SVOPL: variants seen among roughly 807,000 people sequenced by gnomAD.
The protein encoded by SVOPL is SVOP like.
A neutral mutation model predicts 61.0 loss-of-function variants in SVOPL; 60 were observed. The ratio of observed to expected loss-of-function variants is 0.98; its 90% CI spans 0.80 to 1.22. The LOEUF (loss-of-function observed/expected upper bound fraction) is 1.22. Ranked by LOEUF, SVOPL falls within the 50% of genes most tolerant of loss-of-function variation. The pLI is 0.00. For missense variants in SVOPL, 662 were observed against 643.9 expected, an observed-to-expected ratio of 1.03 and a Z score of -0.30; for synonymous variants, 279 against 250.0, an observed-to-expected ratio of 1.12 and a Z score of -1.09.
At chr7:138,672,151 T>C in intron 3 of SVOPL, 34 bp from the exon 4 acceptor site, 1 of 1,540,464 alleles carries the variant, frequency 6.5e-7, no homozygotes, top group Non-Finnish European at 8.8e-7. Flanking sequence ...CATGTCTAAG[T>C]GCCAGCTTGT....
intron 13 of SVOPL, among the ~76,000 whole-genome samples, chr7:138,622,034 C>CTATG (rs1563095999): frequency 4.2e-5 from 2 of 48,108 alleles, no homozygotes; most frequent in Non-Finnish European, 9.6e-5. Flanking sequence ...ATCTATCTAT[C>CTATG]TATGTATCTA....
At chr7:138,642,701 G>T (rs369478468) in intron 9 of SVOPL, among the ~76,000 whole-genome samples, 2 of 151,450 alleles carry the variant, frequency 1.3e-5, no homozygotes, top group East Asian at 3.9e-4. Flanking sequence ...TTGGTGGCTC[G>T]CACTGATAGT....
rs539375577 is a variant in SVOPL, at chr7:138,614,063, T to C, written c.1353+6983A>G. Among the ~76,000 whole-genome samples the C allele has an allele frequency of 1.8e-3, 280 of 152,318 alleles. 1 individual carries two copies. Among genetic ancestry groups the C allele is most frequent in the African/African-American group, 6.5e-3 (269 of 41,564 alleles). On this transcript the variant is annotated intron_variant, in intron 14 of 15. Transcript: ENST00000674285. ...CAAGTTCAATAAATGTTTTGAACAT[T>C]CAGTTGGGATAAAATAATTCTTGAT...
At chr7:138,690,702 T>C (rs1802920294) in intron 1 of SVOPL, among the ~76,000 whole-genome samples, 1 of 152,126 alleles carries the variant, frequency 6.6e-6, no homozygotes, top group African/African-American at 2.4e-5. Context: ...TCTGGAATTC[T>C]ACCATGGTGA....
At chr7:138,669,102 A>G (rs1249471290) in intron 4 of SVOPL, among the ~76,000 whole-genome samples, 1 of 152,220 alleles carries the variant, frequency 6.6e-6, no homozygotes, top group Non-Finnish European at 1.5e-5. Context: ...GCCCTCAAGC[A>G]CAGGGAAGGG....
intron 13 of SVOPL, among the ~76,000 whole-genome samples, chr7:138,625,654 G>A (rs1799857713): frequency 6.6e-6 from 1 of 152,122 alleles, no homozygotes; most frequent in African/African-American, 2.4e-5. Flanking sequence ...AAGAGAGAAA[G>A]GAAATTCTAC....
chr7:138,627,900 G>A (rs947574792), intron 11 of SVOPL, among the ~76,000 whole-genome samples: 4 of 151,968 alleles, frequency 2.6e-5, no homozygotes, highest in Non-Finnish European at 5.9e-5. Context: ...TAAGCCACAT[G>A]CCAATTTCAG....
intron 14 of SVOPL, among the ~76,000 whole-genome samples, chr7:138,620,117 C>T (rs74773852): frequency 3.4e-4 from 41 of 120,748 alleles, no homozygotes; most frequent in South Asian, 8.0e-4. Flanking sequence ...TGTTTTTTTT[C>T]TGTTTTGTTT....
chr7:138,670,696 CTA>C (rs1802392573), intron 4 of SVOPL, among the ~76,000 whole-genome samples: 1 of 152,224 alleles, frequency 6.6e-6, no homozygotes, highest in South Asian at 2.1e-4. Flanking sequence ...TTTAGCCACT[CTA>C]TGTCTATTAA....
chr7:138,689,934 A>C lies in SVOPL; in HGVS notation c.-34-10855T>G, dbSNP rs1328225801. On this transcript the variant is annotated intron_variant, in intron 1 of 15. Transcript: ENST00000674285. ...CCATTGTAAATGATGTCCTCATAAA[A>C]TGGGAGAATTTGGACACAGAGACAG... 8.4e-4 allele frequency among the ~76,000 whole-genome samples: 128 copies of C among 152,108 alleles called. 1 individual carries two copies. The highest frequency in any genetic ancestry group is 8.8e-5 in the Non-Finnish European group (6 of 68,014).
At chr7:138,614,644 C>T (rs1478983384) in intron 14 of SVOPL, among the ~76,000 whole-genome samples, 4 of 135,532 alleles carry the variant, frequency 3.0e-5, no homozygotes, top group Admixed American at 1.5e-4. Flanking sequence ...GATCCACCCA[C>T]CTCAGCCTCC....
intron 14 of SVOPL, among the ~76,000 whole-genome samples, chr7:138,602,154 C>T (rs1016775672): frequency 6.6e-6 from 1 of 151,996 alleles, no homozygotes; most frequent in African/African-American, 2.4e-5. Context: ...CTACAGTGAT[C>T]CATGATCACT....
intron 5 of SVOPL, chr7:138,660,659 G>T: frequency 1.0e-6 from 1 of 985,352 alleles, no homozygotes; most frequent in Non-Finnish European, 1.2e-6. Context: ...TACATAAGTC[G>T]TTATGCCCTC....
In SVOPL at chr7:138,630,712, G is replaced by A. The variant is rs760268868; in HGVS notation, c.790-590C>T. Among the ~76,000 whole-genome samples the A allele has an allele frequency of 2.1e-4, 32 of 152,274 alleles. 1 individual carries two copies. Among genetic ancestry groups the A allele is most frequent in the Middle Eastern group, 3.4e-3 (1 of 294 alleles). ...AATCCCAGCACTTTGGGAGGCCGAG[G>A]TGGGCGGATCACCTGAGGTCAGGAG... On this transcript the variant is annotated intron_variant, in intron 9 of 15. Coordinates refer to ENST00000674285, the MANE Select transcript of SVOPL (RefSeq NM_001139456.2).
At chr7:138,656,683 G>A (rs564482707) in intron 6 of SVOPL, among the ~76,000 whole-genome samples, 172 bp from the exon 7 acceptor site, 64 of 152,240 alleles carry the variant, frequency 4.2e-4, no homozygotes, top group Non-Finnish European at 6.3e-4. Context: ...CAGTAAGAAC[G>A]AAACTGACAA....
intron 9 of SVOPL, among the ~76,000 whole-genome samples, chr7:138,637,437 TATATAGATAGATAG>T (rs1166329965): frequency 3.2e-5 from 1 of 31,062 alleles, no homozygotes; most frequent in Admixed American, 4.1e-4. Flanking sequence ...CATATATATA[TATATAGATAGATAG>T]ATAGATATAT....
chr7:138,660,034 G>C lies in SVOPL; in HGVS notation c.346-46C>G, dbSNP rs545560580. On this transcript the variant is annotated intron_variant, in intron 5 of 15. Coordinates refer to ENST00000674285, the MANE Select transcript of SVOPL (RefSeq NM_001139456.2). ...ATGAATGGGACCTGCCTCAATGCGG[G>C]GAGGGAAGAAGCCCTAACTTCTGAA... The C allele has an allele frequency of 1.3e-5, 20 of 1,547,450 alleles. No individual in the cohort carries two copies. In the South Asian group the frequency reaches 2.3e-4, roughly 18 times the overall value.
Position 138,622,038 on chromosome 7 carries a change from G to GTATC in SVOPL, c.1264-907_1264-904dup, listed in dbSNP as rs1415006683. ...TCTATGTATCTATCTATCTATCTAT[G>GTATC]TATCTATCTATCTATGTATCTATCT... On this transcript the variant is annotated intron_variant, in intron 13 of 15. Transcript: ENST00000674285. Among the ~76,000 whole-genome samples, 7 of 9,826 alleles carry GTATC rather than the reference G, an allele frequency of 7.1e-4. 2 individuals are homozygous for GTATC. The highest frequency in any genetic ancestry group is 1.4e-3 in the Non-Finnish European group (7 of 4,966). 6.4% of individuals were successfully genotyped at this position (9,826 alleles called of 152,430 possible).
At position 138,628,272 on chromosome 7, in the gene SVOPL, C is replaced by T. The variant is rs564673614; in HGVS notation, c.955G>A (p.Ala319Thr). The T allele has an allele frequency of 9.9e-6, 16 of 1,614,232 alleles. No homozygotes were observed. The Admixed American group carries it at 2.7e-4, about 27-fold the overall frequency. The stretch of plus-strand genomic sequence containing the variant: ...GAGTCCCCCCCAGTCACCACCACCG[C>T]AGAGTCTGACTTTGAACCACAGACC... Reference protein sequence around the residue: ...DLVCGSKSDSAVVVTGGDSGE... With the variant: ...DLVCGSKSDSTVVVTGGDSGE... Residue 319 changes from alanine (A) to threonine (T), a missense_variant, in exon 11 of 16, where the codon GCG becomes ACG. Transcript: ENST00000674285.
Sources: allele counts gnomAD v4.1 joint callset (sites outside exome capture counted in the v4.1 genomes callset), GRCh38; gene constraint gnomAD v4.1.1; transcripts MANE v1.5; gene names NCBI Gene and HGNC (gene_info 2026-07-23, HGNC 2026-07-21).